Variants in WDHD1 observed in about 807,000 individuals in gnomAD.
The protein encoded by WDHD1 is WD repeat and HMG-box DNA-binding protein 1.
In WDHD1, 111 loss-of-function variants were observed where a neutral mutation model predicts 135.4. The ratio of observed to expected loss-of-function variants is 0.82; its 90% confidence interval spans 0.70 to 0.96. WDHD1 has a LOEUF of 0.96. Ranked by LOEUF, WDHD1 falls within the 40% of genes least tolerant of loss-of-function variation. WDHD1 has a pLI of 0.00. For missense variants in WDHD1, 1,351 were observed against 1,336.3 expected (o/e 1.01, Z -0.17); for synonymous variants, 434 against 439.0 (o/e 0.99, Z 0.14).
intron 16 of WDHD1, among the ~76,000 whole-genome samples, chr14:54,980,112 C>T (rs2041592917): frequency 6.6e-6 from 1 of 152,022 alleles, no homozygotes; most frequent in Non-Finnish European, 1.5e-5. Context: ...ATCCCTTAAG[C>T]CCAGGAATTT....
chr14:54,945,107 T>TG (rs1566701592), intron 24 of WDHD1, among the ~76,000 whole-genome samples: 1 of 152,210 alleles, frequency 6.6e-6, no homozygotes, highest in South Asian at 2.1e-4. Context: ...CACATGTCCT[T>TG]GGTAGGCTCT....
At chr14:55,026,940 G>A in intron 1 of WDHD1, 88 bp downstream of exon 1, 1 of 745,194 alleles carries the variant, frequency 1.3e-6, no homozygotes, top group Non-Finnish European at 2.3e-6. Flanking sequence ...GACACCAGCG[G>A]GATAAGGCAG....
intron 10 of WDHD1, 94 bp from the exon 11 acceptor site, chr14:54,995,907 T>C: frequency 1.1e-6 from 1 of 951,120 alleles, no homozygotes; most frequent in Non-Finnish European, 1.5e-6. Context: ...CACCTATAAA[T>C]TCTACCAAGC....
At chr14:54,964,608 C>T (rs980455978) in intron 18 of WDHD1, among the ~76,000 whole-genome samples, 1 of 151,154 alleles carries the variant, frequency 6.6e-6, no homozygotes, top group African/African-American at 2.4e-5. Flanking sequence ...CACTGCACTC[C>T]AGCCTGGGCA....
intron 23 of WDHD1, among the ~76,000 whole-genome samples, chr14:54,956,133 A>G (rs1419646082): frequency 6.6e-6 from 1 of 152,064 alleles, no homozygotes; most frequent in African/African-American, 2.4e-5. Flanking sequence ...CTATTTTACC[A>G]ATGACTAATC....
chr14:54,989,940 AGGC>A, intron 12 of WDHD1, among the ~76,000 whole-genome samples: 1 of 152,188 alleles, frequency 6.6e-6, no homozygotes, highest in Non-Finnish European at 1.5e-5. Context: ...CTGGGATTAT[AGGC>A]GTGAGCCATC....
chr14:55,009,788 C>A (rs958831741), intron 4 of WDHD1, among the ~76,000 whole-genome samples: 1 of 151,884 alleles, frequency 6.6e-6, no homozygotes, highest in Non-Finnish European at 1.5e-5. Context: ...ATAAAATAGG[C>A]CATCTGCCCA....
At chr14:55,011,658 T>C (rs2042173036) in intron 3 of WDHD1, among the ~76,000 whole-genome samples, 1 of 151,712 alleles carries the variant, frequency 6.6e-6, no homozygotes, top group Non-Finnish European at 1.5e-5. Context: ...TTTGTGTGTA[T>C]ATATATATGT....
At chr14:55,013,194 CAAAAAA>C (rs71448422) in intron 3 of WDHD1, among the ~76,000 whole-genome samples, 26,631 of 82,282 alleles carry the variant, frequency 0.32, 3,311 homozygotes, top group Non-Finnish European at 0.4. Context: ...GATCCCGTTT[CAAAAAA>C]AAAAAAAAAA....
chr14:55,008,591 A>ATTATTC lies in WDHD1; in HGVS notation c.453+16_453+17insGAATAA. On this transcript the variant is annotated intron_variant, in intron 5 of 25. Coordinates refer to ENST00000360586, the MANE Select transcript of WDHD1 (RefSeq NM_007086.4). ...ATATTCAGGAAAAACACAAAAAGAG[A>ATTATTC]AGGAAAAAATAATTACCAGAAAGAT... The ATTATTC allele has an allele frequency of 6.4e-7, 1 of 1,570,986 alleles. No homozygotes were observed. The highest frequency in any genetic ancestry group is 8.6e-7 in the Non-Finnish European group (1 of 1,162,558).
At chr14:54,964,718 C>T (rs2041314441) in intron 18 of WDHD1, among the ~76,000 whole-genome samples, 1 of 152,072 alleles carries the variant, frequency 6.6e-6, no homozygotes, top group South Asian at 2.1e-4. Flanking sequence ...GCCCGGGGGT[C>T]AGGAATGCTA....
intron 3 of WDHD1, among the ~76,000 whole-genome samples, chr14:55,010,700 T>G (rs1434999898): frequency 6.6e-6 from 1 of 152,258 alleles, no homozygotes; most frequent in Non-Finnish European, 1.5e-5. Flanking sequence ...ATTTTTCTTT[T>G]ACTTCTGGTA....
rs765650588 is a variant in WDHD1 at position 54,941,640 on chromosome 14, TG to T, written c.3239del (p.Ala1080GlufsTer25). The T allele has an allele frequency of 6.2e-7, 1 of 1,614,036 alleles. No individual in the cohort carries two copies. Among genetic ancestry groups the T allele is most frequent in the Non-Finnish European group, 8.5e-7 (1 of 1,179,938 alleles). On this transcript the variant is annotated frameshift_variant, in exon 26 of 26. Coordinates refer to ENST00000360586, the MANE Select transcript of WDHD1 (RefSeq NM_007086.4). LOFTEE classifies it high-confidence loss of function. ...KGETASEGTE[A>X]KKRKRVVDES... is the part of the protein sequence containing the mutation. Reference sequence around the variant, plus strand: ...CATCAACCACACGTTTTCGCTTCTTTGCTTCAGTTCCTTCACTTGCCGTTTC... The same window carrying T: ...CATCAACCACACGTTTTCGCTTCTTTCTTCAGTTCCTTCACTTGCCGTTTC...
At chr14:54,973,439 A>C (rs1176447206) in intron 16 of WDHD1, among the ~76,000 whole-genome samples, 1 of 152,170 alleles carries the variant, frequency 6.6e-6, no homozygotes, top group Non-Finnish European at 1.5e-5. Context: ...CTATACAATA[A>C]AAATACAAAT....
Position 54,941,297 on chromosome 14 carries a change from T to A in WDHD1, c.*193A>T. On this transcript the variant is annotated 3_prime_UTR_variant, in exon 26 of 26. Transcript: ENST00000360586. ...GGCCCTGCATTTGGAGGCAGAGTAA[T>A]CTGCAAAGATGATAGTTTTTACATA... 2 of 436,162 alleles carry A rather than the reference T, an allele frequency of 4.6e-6. No individual in the cohort carries two copies. The highest frequency in any genetic ancestry group is 7.8e-6 in the Non-Finnish European group (2 of 255,014). 27.0% of individuals were successfully genotyped at this position (436,162 alleles called of 1,614,324 possible).
intron 2 of WDHD1, among the ~76,000 whole-genome samples, chr14:55,015,030 G>C (rs2042236502): frequency 6.6e-6 from 1 of 152,164 alleles, no homozygotes; most frequent in Non-Finnish European, 1.5e-5. Context: ...GCCAGAGTAA[G>C]GTGGTTAGGC....
intron 11 of WDHD1, among the ~76,000 whole-genome samples, chr14:54,994,877 T>C (rs1566732664): frequency 1.3e-5 from 2 of 152,138 alleles, no homozygotes; most frequent in Admixed American, 1.3e-4. Context: ...ATAGCACAAA[T>C]CTACAGATCT....
Position 54,952,677 on chromosome 14 carries a change from A to G in WDHD1, c.3050+2884T>C, listed in dbSNP as rs187722091. ...CATATGGAACCAAAAAAGAGCCCGC[A>G]TTGCCAAGTCACTCATAAGCCAAAG... On this transcript the variant is annotated intron_variant, in intron 24 of 25. Transcript: ENST00000360586. 9.1e-4 allele frequency among the ~76,000 whole-genome samples: 139 copies of G among 152,348 alleles called. 1 individual carries two copies. The highest frequency in any genetic ancestry group is 3.2e-3 in the African/African-American group (132 of 41,574).
Position 54,967,261 on chromosome 14 carries a change from A to AG in WDHD1, c.2178+18dup. On this transcript the variant is annotated intron_variant, in intron 17 of 25. Coordinates refer to ENST00000360586, the MANE Select transcript of WDHD1 (RefSeq NM_007086.4). ...CTGTATTATCAAATTCAAAGTGTCA[A>AG]GGTAAGACTTCCACATACCTCCATT... The AG allele has an allele frequency of 6.3e-7, 1 of 1,580,010 alleles. No individual in the cohort carries two copies. Among genetic ancestry groups the AG allele is most frequent in the Non-Finnish European group, 8.7e-7 (1 of 1,152,206 alleles).
Sources: allele counts gnomAD v4.1 joint callset (sites outside exome capture counted in the v4.1 genomes callset), GRCh38; gene constraint gnomAD v4.1.1; transcripts MANE v1.5; gene names NCBI Gene and HGNC (gene_info 2026-07-23, HGNC 2026-07-21).